The following SLMAP variants were observed in gnomAD, a reference collection of about 807,000 sequenced individuals.
SLMAP encodes sarcolemmal membrane-associated protein.
SLMAP carries 44 observed loss-of-function variants against 128.8 expected under a neutral mutation model. The ratio of observed to expected loss-of-function variants is 0.34; its 90% CI spans 0.27 to 0.44. The LOEUF is 0.44. Among genes scored for constraint, SLMAP ranks in the 20% least tolerant of loss-of-function variants. The pLI, the probability that SLMAP is intolerant of heterozygous loss-of-function variation, is 1.00. For synonymous variants in SLMAP, 327 were observed against 348.8 expected (o/e 0.94, Z 0.70); for missense variants, 787 against 985.3 (o/e 0.80, Z 2.69).
rs527419322 is a variant in SLMAP, at chr3:57,766,808, T to G, written c.198+8959T>G. ...CTTCTTGTCATCCCTTAAGGCTCAG[T>G]TCCAATGTGAAACCTTCCCTGACTC... On this transcript the variant is annotated intron_variant, in intron 2 of 24. Coordinates refer to ENST00000671191, the MANE Select transcript of SLMAP (RefSeq NM_001377540.1). Among the ~76,000 whole-genome samples, 112 of 152,316 alleles carry G rather than the reference T, an allele frequency of 7.4e-4. 1 individual carries two copies. Among genetic ancestry groups the G allele is most frequent in the Non-Finnish European group, 1.4e-3 (96 of 68,034 alleles).
At chr3:57,820,523 C>T (rs367603227) in intron 2 of SLMAP, among the ~76,000 whole-genome samples, 1 of 152,210 alleles carries the variant, frequency 6.6e-6, no homozygotes, top group African/African-American at 2.4e-5. Flanking sequence ...CCCCCGCCCC[C>T]ACTACCACCC....
Position 57,923,002 on chromosome 3 carries a change from G to T in SLMAP, c.2424G>T (p.Leu808=). The T allele has an allele frequency of 6.2e-7, 1 of 1,613,788 alleles. No individual in the cohort carries two copies. The part of the protein sequence containing the change: ...ELKQCKNNLK[L]LREKGNNPSI... Reference sequence around the variant, plus strand: ...AACAGTGTAAAAACAACCTGAAGCTGCTCCGAGAGAAAGGAAATAATGTAA... The same window carrying T: ...AACAGTGTAAAAACAACCTGAAGCTTCTCCGAGAGAAAGGAAATAATGTAA... The change falls in exon 23 of 25, where the codon CTG becomes CTT. Residue 808 remains leucine (L), a synonymous_variant. Coordinates refer to ENST00000671191, the MANE Select transcript of SLMAP (RefSeq NM_001377540.1).
At chr3:57,875,509 G>A (rs1262555065) in intron 14 of SLMAP, among the ~76,000 whole-genome samples, 1 of 152,168 alleles carries the variant, frequency 6.6e-6, no homozygotes, top group Non-Finnish European at 1.5e-5. Context: ...AGCAAGACCT[G>A]TCTCAGAAAA....
chr3:57,911,193 C>T (rs2096685839), intron 19 of SLMAP, among the ~76,000 whole-genome samples: 1 of 152,088 alleles, frequency 6.6e-6, no homozygotes, highest in Non-Finnish European at 1.5e-5. Flanking sequence ...TGAGTGCCCC[C>T]TGGTGCCAGC....
intron 17 of SLMAP, among the ~76,000 whole-genome samples, chr3:57,905,038 T>G (rs2096492851): frequency 6.6e-6 from 1 of 152,056 alleles, no homozygotes; most frequent in Non-Finnish European, 1.5e-5. Flanking sequence ...ACAACTGCAC[T>G]CTAGCCTGGG....
chr3:57,781,729 A>ATTTTTTTTTT (rs748021832), intron 2 of SLMAP, among the ~76,000 whole-genome samples: 8 of 109,158 alleles, frequency 7.3e-5, no homozygotes, highest in Non-Finnish European at 1.2e-4. Context: ...ATATTGACTG[A>ATTTTTTTTTT]TTTTTTTTTT....
intron 2 of SLMAP, among the ~76,000 whole-genome samples, chr3:57,797,960 A>G (rs1487976435): frequency 6.6e-6 from 1 of 152,228 alleles, no homozygotes; most frequent in Admixed American, 6.5e-5. Flanking sequence ...ACTTTTGGCA[A>G]GAAATTTAGC....
intron 1 of SLMAP, 45 bp from the exon 2 acceptor site, chr3:57,756,503 G>GCT (rs1488920246): frequency 5.2e-5 from 8 of 152,650 alleles, no homozygotes; most frequent in Admixed American, 5.2e-4. Flanking sequence ...AGGCGGGCGG[G>GCT]CTGAGGCGCC....
chr3:57,889,380 T>C (rs1358767748), intron 14 of SLMAP, among the ~76,000 whole-genome samples: 1 of 152,202 alleles, frequency 6.6e-6, no homozygotes, highest in Non-Finnish European at 1.5e-5. Flanking sequence ...GAAAATTTTC[T>C]TCACATATAT....
At chr3:57,857,309 AG>A (rs2094840041) in intron 6 of SLMAP, among the ~76,000 whole-genome samples, 1 of 152,188 alleles carries the variant, frequency 6.6e-6, no homozygotes, top group Non-Finnish European at 1.5e-5. Context: ...CATGACCCCC[AG>A]TAGATGCCTG....
chr3:57,838,481 A>T (rs1166851882), intron 3 of SLMAP, among the ~76,000 whole-genome samples: 2 of 152,260 alleles, frequency 1.3e-5, no homozygotes, highest in African/African-American at 4.8e-5. Context: ...TTTCTGTACC[A>T]GATGACTCTG....
At chr3:57,836,451 G>A (rs949061422) in intron 3 of SLMAP, among the ~76,000 whole-genome samples, 3 of 152,172 alleles carry the variant, frequency 2.0e-5, no homozygotes, top group Admixed American at 6.5e-5. Flanking sequence ...TGAACATATC[G>A]GTTCATATTA....
chr3:57,768,593 A>G (rs968206969), intron 2 of SLMAP, among the ~76,000 whole-genome samples: 1 of 152,138 alleles, frequency 6.6e-6, no homozygotes, highest in Non-Finnish European at 1.5e-5. Context: ...GGTGGTTTCT[A>G]GGGGCTGAGG....
At chr3:57,872,295 C>G (rs1017810798) in intron 14 of SLMAP, among the ~76,000 whole-genome samples, 2 of 151,466 alleles carry the variant, frequency 1.3e-5, no homozygotes, top group South Asian at 4.2e-4. Flanking sequence ...GAGCAAGACT[C>G]TGTCTCAAAA....
intron 6 of SLMAP, among the ~76,000 whole-genome samples, chr3:57,852,760 G>GT (rs1198682060): frequency 6.6e-6 from 1 of 152,174 alleles, no homozygotes; most frequent in Non-Finnish European, 1.5e-5. Flanking sequence ...GTATACTACT[G>GT]TTACTAGTCA....
chr3:57,818,394 A>T (rs1244284973), intron 2 of SLMAP, among the ~76,000 whole-genome samples: 1 of 152,188 alleles, frequency 6.6e-6, no homozygotes, highest in East Asian at 1.9e-4. Flanking sequence ...ACCTCAGGTG[A>T]TCCACCCGCC....
chr3:57,853,997 ATATT>A (rs1257786411), intron 6 of SLMAP, among the ~76,000 whole-genome samples: 23 of 109,218 alleles, frequency 2.1e-4, no homozygotes, highest in African/African-American at 7.8e-4. Context: ...ATATATATAT[ATATT>A]TACATATAAT....
intron 5 of SLMAP, among the ~76,000 whole-genome samples, chr3:57,848,114 A>G (rs934194376): frequency 6.6e-6 from 1 of 152,174 alleles, no homozygotes; most frequent in African/African-American, 2.4e-5. Flanking sequence ...AAGCTGACAC[A>G]TAGGGGTGAA....
chr3:57,891,026 T>C (rs2096056430), intron 15 of SLMAP: 1 of 152,184 alleles, frequency 6.6e-6, no homozygotes, highest in South Asian at 2.1e-4. Context: ...ATCATTAATA[T>C]TGTTTTGGCA....
Sources: gnomAD v4.1 joint callset for allele counts (sites outside exome capture counted in the v4.1 genomes callset) on GRCh38, gnomAD v4.1.1 for gene constraint, MANE v1.5 for transcripts, NCBI Gene and HGNC (gene_info 2026-07-23, HGNC 2026-07-21) for gene names.